FBXL17: variants seen among roughly 807,000 people sequenced by gnomAD.
The protein encoded by FBXL17 is F-box/LRR-repeat protein 17.
A neutral mutation model predicts 66.2 loss-of-function variants in FBXL17; 22 were observed. The observed-to-expected ratio is 0.33, with a 90% confidence interval of 0.24 to 0.47. FBXL17 has a LOEUF of 0.47. Among genes scored for constraint, FBXL17 ranks in the 20% least tolerant of loss-of-function variants. The probability of loss-of-function intolerance (pLI) is 1.00; values close to 1 mark genes in which losing one functional copy is unlikely to be tolerated. For missense variants in FBXL17, 878 were observed against 948.2 expected (o/e 0.93, Z 0.97); for synonymous variants, 474 against 400.5 (o/e 1.18, Z -2.19).
intron 4 of FBXL17, among the ~76,000 whole-genome samples, chr5:108,290,636 T>A (rs1053662303): frequency 1.3e-5 from 2 of 152,194 alleles, no homozygotes; most frequent in African/African-American, 4.8e-5. Flanking sequence ...AATTACAGAA[T>A]AGAAACTATA....
At chr5:107,873,585 C>G (rs1165577022) in intron 8 of FBXL17, among the ~76,000 whole-genome samples, 1 of 152,168 alleles carries the variant, frequency 6.6e-6, no homozygotes, top group Admixed American at 6.5e-5. Context: ...GCCATTCCTT[C>G]TCCACCTGCA....
chr5:108,378,322 T>C lies in FBXL17; in HGVS notation c.993+2377A>G, dbSNP rs1396927340. Among the ~76,000 whole-genome samples, 5 of 103,068 alleles carry C rather than the reference T, an allele frequency of 4.9e-5. No homozygotes were observed. The East Asian group carries it at 9.1e-4, about 19-fold the overall frequency. The allele number at this position is 103,068 out of a possible 152,430, so 67.6% of individuals were successfully genotyped here. ...CTCTCCCAAATTCTACCTGCCTCGT[T>C]TTTGTTTTTTGTTTTTTTGTTTTGT... On this transcript the variant is annotated intron_variant, in intron 1 of 8. Coordinates refer to ENST00000542267, the MANE Select transcript of FBXL17 (RefSeq NM_001163315.3).
intron 7 of FBXL17, among the ~76,000 whole-genome samples, chr5:107,889,245 T>G (rs1378669373): frequency 6.6e-6 from 1 of 152,228 alleles, no homozygotes; most frequent in African/African-American, 2.4e-5. Flanking sequence ...AATAATAGCT[T>G]TCTAAACACC....
chr5:107,898,430 C>T (rs1024471877), intron 7 of FBXL17, among the ~76,000 whole-genome samples: 1 of 151,868 alleles, frequency 6.6e-6, no homozygotes, highest in African/African-American at 2.4e-5. Context: ...AGAATGATGA[C>T]CTTTATGATG....
At chr5:107,963,394 A>G (rs1751994252) in intron 7 of FBXL17, among the ~76,000 whole-genome samples, 1 of 152,182 alleles carries the variant, frequency 6.6e-6, no homozygotes, top group South Asian at 2.1e-4. Context: ...AATAAGTCCT[A>G]TAAAATAAAT....
intron 7 of FBXL17, among the ~76,000 whole-genome samples, chr5:107,986,486 G>A (rs1382877404): frequency 2.0e-5 from 3 of 151,568 alleles, no homozygotes; most frequent in Non-Finnish European, 4.4e-5. Context: ...TGTTTGCAAT[G>A]TAAGATTGCA....
At chr5:107,968,308 CTG>C (rs1233473491) in intron 7 of FBXL17, among the ~76,000 whole-genome samples, 1 of 152,016 alleles carries the variant, frequency 6.6e-6, no homozygotes, top group African/African-American at 2.4e-5. Flanking sequence ...AACAACTAAG[CTG>C]TGTGTGCAGA....
In FBXL17 at chr5:108,381,879, G is replaced by C; in HGVS notation, c.-188C>G. On this transcript the variant is annotated 5_prime_UTR_variant, in exon 1 of 9. Transcript: ENST00000542267. ...GGCGTCAGCTGCGGGCCGCCGGAGT[G>C]CCCGACGGGGGCTACATGCTTTGCC... The C allele has an allele frequency of 1.5e-6, 2 of 1,293,580 alleles. No individual in the cohort carries two copies. Among genetic ancestry groups the C allele is most frequent in the Non-Finnish European group, 2.0e-6 (2 of 1,021,316 alleles). The allele number at this position is 1,293,580 out of a possible 1,614,324, so 80.1% of individuals were successfully genotyped here.
chr5:108,245,528 G>A (rs1756055931), intron 4 of FBXL17, among the ~76,000 whole-genome samples: 1 of 152,150 alleles, frequency 6.6e-6, no homozygotes, highest in African/African-American at 2.4e-5. Context: ...TAAATTCACA[G>A]CTCACTAAAT....
At chr5:108,320,469 C>T (rs1054097616) in intron 4 of FBXL17, among the ~76,000 whole-genome samples, 1 of 151,596 alleles carries the variant, frequency 6.6e-6, no homozygotes, top group African/African-American at 2.4e-5. Flanking sequence ...TTTTTTTGGT[C>T]TCTTCTGTCT....
chr5:108,045,139 T>C (rs1338119353), intron 6 of FBXL17, among the ~76,000 whole-genome samples: 2 of 152,180 alleles, frequency 1.3e-5, no homozygotes, highest in Non-Finnish European at 2.9e-5. Flanking sequence ...ATTTCTGATA[T>C]TATCTTTATA....
At chr5:108,067,853 T>A (rs1748176533) in intron 6 of FBXL17, among the ~76,000 whole-genome samples, 1 of 152,204 alleles carries the variant, frequency 6.6e-6, no homozygotes. Flanking sequence ...TGTCACTCCC[T>A]GTTGAAAAAT....
intron 8 of FBXL17, among the ~76,000 whole-genome samples, chr5:107,869,678 A>G (rs1748386014): frequency 6.6e-6 from 1 of 152,128 alleles, no homozygotes; most frequent in Admixed American, 6.5e-5. Context: ...TTTGGGTGAC[A>G]TGCCACATTC....
At chr5:108,064,153 C>T (rs1211297017) in intron 6 of FBXL17, among the ~76,000 whole-genome samples, 2 of 152,006 alleles carry the variant, frequency 1.3e-5, no homozygotes, top group Admixed American at 1.3e-4. Flanking sequence ...AACATTATGG[C>T]CCTGTTTATT....
intron 4 of FBXL17, among the ~76,000 whole-genome samples, chr5:108,327,791 A>G (rs938180653): frequency 6.6e-6 from 1 of 152,050 alleles, no homozygotes; most frequent in Non-Finnish European, 1.5e-5. Flanking sequence ...CAATAATTCC[A>G]GGTTTCCTTT....
At chr5:107,882,711 G>A (rs1456260006) in intron 7 of FBXL17, among the ~76,000 whole-genome samples, 1 of 152,160 alleles carries the variant, frequency 6.6e-6, no homozygotes, top group Admixed American at 6.5e-5. Flanking sequence ...GTATCATCAT[G>A]ACTTTCATTG....
chr5:108,140,023 T>C (rs1279359894), intron 6 of FBXL17, among the ~76,000 whole-genome samples: 1 of 152,142 alleles, frequency 6.6e-6, no homozygotes, highest in Non-Finnish European at 1.5e-5. Context: ...TGTATTATAA[T>C]CTGGGTTTAG....
At chr5:107,931,585 G>C (rs1057406163) in intron 7 of FBXL17, among the ~76,000 whole-genome samples, 1 of 151,862 alleles carries the variant, frequency 6.6e-6, no homozygotes, top group Non-Finnish European at 1.5e-5. Context: ...GATTTATACA[G>C]GTATCTTTCT....
chr5:108,206,842 G>A (rs1205244618), intron 5 of FBXL17, among the ~76,000 whole-genome samples: 2 of 152,062 alleles, frequency 1.3e-5, no homozygotes, highest in African/African-American at 4.8e-5. Flanking sequence ...CCATGTCTTT[G>A]CATGTACCTG....
Sources: allele counts gnomAD v4.1 joint callset (sites outside exome capture counted in the v4.1 genomes callset), GRCh38; gene constraint gnomAD v4.1.1; transcripts MANE v1.5; gene names NCBI Gene and HGNC (gene_info 2026-07-23, HGNC 2026-07-21).